Variants in ZBTB1 observed in about 807,000 individuals in gnomAD.
ZBTB1 encodes the protein zinc finger and BTB domain containing 1, also known as zinc finger and BTB domain-containing protein 1.
A neutral mutation model predicts 51.6 loss-of-function variants in ZBTB1; 13 were observed. The observed-to-expected ratio is 0.25, with a 90% CI of 0.16 to 0.40. ZBTB1 has a LOEUF of 0.40. Ranked by LOEUF, ZBTB1 falls within the 10% of genes least tolerant of loss-of-function variation. ZBTB1 has a pLI of 1.00. For missense variants in ZBTB1, 567 were observed against 856.5 expected (o/e 0.66, Z 4.22); for synonymous variants, 240 against 282.2 (o/e 0.85, Z 1.50).
chr14:64,530,600 C>CAA (rs568731383), intron 2 of ZBTB1, among the ~76,000 whole-genome samples: 4 of 124,982 alleles, frequency 3.2e-5, no homozygotes, highest in African/African-American at 8.8e-5. Context: ...GACTCCGTCT[C>CAA]AAAAAAAAAA....
chr14:64,503,936 C>T (rs893585030), upstream of ZBTB1: 2 of 152,284 alleles, frequency 1.3e-5, no homozygotes, highest in East Asian at 3.9e-4. Flanking sequence ...GGCCCGCGCT[C>T]TGAGTGCCGC....
At chr14:64,505,821 G>A (rs1391385141) in intron 1 of ZBTB1, among the ~76,000 whole-genome samples, 1 of 152,200 alleles carries the variant, frequency 6.6e-6, no homozygotes, top group African/African-American at 2.4e-5. Flanking sequence ...GTGTGGCAGT[G>A]CACGCAGATT....
Position 64,507,229 on chromosome 14 carries a change from G to A in ZBTB1, c.-19+2283G>A, listed in dbSNP as rs910970882. On this transcript the variant is annotated intron_variant, in intron 1 of 1. Coordinates refer to ENST00000683701, the MANE Select transcript of ZBTB1 (RefSeq NM_001123329.2). ...ATATTTGAGAAACATCTTCTTGAGA[G>A]GTCACTTTGGTCTCTATAGAATGTT... Among the ~76,000 whole-genome samples, 3 of 152,120 alleles carry A rather than the reference G, an allele frequency of 2.0e-5. No homozygotes were observed. The East Asian group carries it at 5.8e-4, about 29-fold the overall frequency.
intron 2 of ZBTB1, among the ~76,000 whole-genome samples, chr14:64,531,085 G>T (rs1244720416): frequency 6.6e-6 from 1 of 152,054 alleles, no homozygotes; most frequent in Non-Finnish European, 1.5e-5. Context: ...AGCTTAAAAA[G>T]CCCCTACTTA....
chr14:64,506,298 C>T (rs11851751), intron 1 of ZBTB1, among the ~76,000 whole-genome samples: 3,408 of 152,196 alleles, frequency 0.022, 45 homozygotes, highest in Middle Eastern at 0.054. Context: ...TTTGGGAGGC[C>T]GAGGCGGGTG....
At chr14:64,503,720 C>A (rs2079576534), upstream of ZBTB1, 2 of 603,662 alleles carry the variant, frequency 3.3e-6, no homozygotes, top group South Asian at 7.2e-5. Flanking sequence ...GCTCCCAAGC[C>A]GCGCACTGCA....
intron 1 of ZBTB1, among the ~76,000 whole-genome samples, chr14:64,511,968 G>A (rs2079729406): frequency 6.6e-6 from 1 of 152,190 alleles, no homozygotes; most frequent in Admixed American, 6.5e-5. Flanking sequence ...TATCCTGACA[G>A]CCACTAAAAC....
chr14:64,516,390 G>A (rs2079786325), intron 1 of ZBTB1, among the ~76,000 whole-genome samples: 1 of 152,200 alleles, frequency 6.6e-6, no homozygotes, highest in South Asian at 2.1e-4. Context: ...CTCAGAACTT[G>A]GACATTTGCA....
intron 1 of ZBTB1, chr14:64,518,396 G>C (rs1184580611): frequency 2.0e-5 from 3 of 152,176 alleles, no homozygotes; most frequent in African/African-American, 7.2e-5. Flanking sequence ...TGCAGTGGTT[G>C]CAATTTTAAG....
chr14:64,529,562 A>G (rs1219411102), downstream of ZBTB1, among the ~76,000 whole-genome samples: 5 of 152,122 alleles, frequency 3.3e-5, no homozygotes, highest in African/African-American at 1.2e-4. Context: ...GCTTGAGCCC[A>G]GGAGTTTGAG....
chr14:64,523,827 C>A lies in ZBTB1; in HGVS notation c.*181C>A. 4 of 1,281,690 alleles carry A rather than the reference C, an allele frequency of 3.1e-6. No individual in the cohort carries two copies. The highest frequency in any genetic ancestry group is 3.7e-5 in the Admixed American group (1 of 27,132). The allele number at this position is 1,281,690 out of a possible 1,614,324, so 79.4% of individuals were successfully genotyped here. ...CTACATTTAGGTATTAAATGTTTATCATTTTTGTTGTTTCTTAATAGAATT... is the reference window on the plus strand; with the variant it reads ...CTACATTTAGGTATTAAATGTTTATAATTTTTGTTGTTTCTTAATAGAATT... On this transcript the variant is annotated 3_prime_UTR_variant, in exon 2 of 2. Coordinates refer to ENST00000683701, the MANE Select transcript of ZBTB1 (RefSeq NM_001123329.2). This position sits in a 1 kb window ranked among gnomAD's most constrained non-coding sequence, Gnocchi z 4.5.
Position 64,523,078 on chromosome 14 carries a change from A to G in ZBTB1, c.1574A>G (p.Gln525Arg). Residue 525 changes from glutamine (Q) to arginine (R), a missense_variant, in exon 2 of 2, where the codon CAG becomes CGG. By Grantham distance (43) the Gln-to-Arg change is conservative. Around this residue, in one of 5 missense-constraint regions of ZBTB1, gnomAD observed 329 missense variants for 406.3 expected, o/e 0.81. Transcript: ENST00000683701. The surrounding 1 kb of genome is among the most constrained non-coding windows in gnomAD (Gnocchi z 4.5). The stretch of plus-strand genomic sequence containing the variant: ...CAGATAAACAGTATCCAAAAAAAGC[A>G]GTTATTTAAACATTCTGCCTGCCCT... Reference protein sequence around the residue: ...HYQINSIQKKQLFKHSACPFR... With the variant: ...HYQINSIQKKRLFKHSACPFR... The G allele has an allele frequency of 6.2e-7, 1 of 1,614,214 alleles. No individual in the cohort carries two copies. The highest frequency in any genetic ancestry group is 8.5e-7 in the Non-Finnish European group (1 of 1,180,024).
upstream of ZBTB1, chr14:64,504,163 G>C (rs970873646): frequency 1.3e-5 from 2 of 152,742 alleles, no homozygotes; most frequent in Non-Finnish European, 2.9e-5. Flanking sequence ...GGGAGGCCGA[G>C]CCGCGGGAGC....
intron 1 of ZBTB1, among the ~76,000 whole-genome samples, chr14:64,513,193 T>C (rs967122638): frequency 1.3e-5 from 2 of 152,116 alleles, no homozygotes; most frequent in African/African-American, 4.8e-5. Context: ...CATGTATATA[T>C]GCAATATATG....
upstream of ZBTB1, chr14:64,503,750 G>C: frequency 3.1e-6 from 1 of 319,350 alleles, no homozygotes; most frequent in African/African-American, 2.2e-5. Flanking sequence ...GCCGGCTCAC[G>C]CACCCCTCGG....
chr14:64,518,904 G>GTA (rs71123855), intron 1 of ZBTB1, among the ~76,000 whole-genome samples: 17,300 of 94,732 alleles, frequency 0.18, 1,703 homozygotes, highest in East Asian at 0.31. Context: ...TTGCAGAGAG[G>GTA]TATATATATA....
chr14:64,518,908 A>G (rs921243264), intron 1 of ZBTB1, among the ~76,000 whole-genome samples: 4 of 99,738 alleles, frequency 4.0e-5, no homozygotes, highest in Admixed American at 3.7e-4. Flanking sequence ...AGAGAGGTAT[A>G]TATATATATA....
At chr14:64,532,087 T>C (rs1385904037) in exon 3 of ZBTB1, 3 of 574,436 alleles carry the variant, frequency 5.2e-6, no homozygotes, top group Non-Finnish European at 8.8e-6. Context: ...GGAATCACTT[T>C]GTTGTAACAA....
rs561639371 is a variant in ZBTB1, at chr14:64,519,551, C to T, written c.-18-1936C>T. ...GCCCGAGGCAGGAGGATCGCTTGAA[C>T]TCAGGAGTTCAAGACCAGCCTGGAC... is the stretch of plus-strand genomic sequence containing the variant. On this transcript the variant is annotated intron_variant, in intron 1 of 1. Transcript: ENST00000683701. Among the ~76,000 whole-genome samples, 573 of 150,468 alleles carry T rather than the reference C, an allele frequency of 3.8e-3. 4 individuals are homozygous for T. Among genetic ancestry groups the T allele is most frequent in the Admixed American group, 6.8e-3 (103 of 15,158 alleles).
Sources: allele counts gnomAD v4.1 joint callset (sites outside exome capture counted in the v4.1 genomes callset), GRCh38; gene constraint gnomAD v4.1.1; regional missense constraint gnomAD v4.1.1; non-coding constraint Gnocchi (gnomAD v3.1); transcripts MANE v1.5; gene names NCBI Gene and HGNC (gene_info 2026-07-23, HGNC 2026-07-21).